LIPK: variants seen among roughly 807,000 people sequenced by gnomAD.
The protein encoded by LIPK is lipase member K.
Under a neutral mutation model 48.6 loss-of-function variants are expected in LIPK, and 32 were observed. That is an observed-to-expected ratio of 0.66 (90% CI 0.50 to 0.88). The LOEUF (loss-of-function observed/expected upper bound fraction) is 0.88. LIPK is among the 40% of genes least tolerant of loss of function. The pLI, the probability that LIPK is intolerant of heterozygous loss-of-function variation, is 0.00. For missense variants in LIPK, 507 were observed against 478.5 expected (o/e 1.06, Z -0.56); for synonymous variants, 164 against 157.4 (o/e 1.04, Z -0.32).
At chr10:88,745,267 G>T (rs1315358304) in intron 9 of LIPK, among the ~76,000 whole-genome samples, 1 of 152,070 alleles carries the variant, frequency 6.6e-6, no homozygotes, top group Non-Finnish European at 1.5e-5. Flanking sequence ...ATTTAAATTT[G>T]GGAAATTCAG....
intron 8 of LIPK, among the ~76,000 whole-genome samples, 181 bp downstream of exon 8, chr10:88,740,248 G>A (rs1424359036): frequency 1.3e-5 from 2 of 152,168 alleles, no homozygotes; most frequent in African/African-American, 4.8e-5. Context: ...CTTGTCCTCA[G>A]TGTCTGGGTT....
intron 6 of LIPK, among the ~76,000 whole-genome samples, chr10:88,733,947 G>A (rs763338172): frequency 2.6e-5 from 4 of 152,160 alleles, no homozygotes; most frequent in Non-Finnish European, 4.4e-5. Context: ...AGGTATTAGG[G>A]GGCAATGGAA....
In LIPK at chr10:88,732,531, C is replaced by G. The variant is rs200150838; in HGVS notation, c.649C>G (p.Leu217Val). The G allele has an allele frequency of 2.5e-5, 41 of 1,610,962 alleles. No homozygotes were observed. In the African/African-American group the frequency reaches 5.4e-4, roughly 21 times the overall value. The change falls in exon 6 of 10, where the codon CTT (leucine) becomes GTT (valine). Residue 217 changes from leucine (L) to valine (V), a missense_variant. Leu to Val is a conservative substitution (Grantham distance 32, BLOSUM62 1). Transcript: ENST00000404190. ...TQSPMKKLTT[L>V]SRRVVKVLFG... ...AAGTCCTATGAAAAAACTAACAACC[C>G]TTTCCAGGCGAGTAGTTAAGGTATG... is the stretch of plus-strand genomic sequence containing the variant.
At chr10:88,738,640 G>A (rs538256269) in intron 7 of LIPK, among the ~76,000 whole-genome samples, 25 of 152,332 alleles carry the variant, frequency 1.6e-4, no homozygotes, top group African/African-American at 5.8e-4. Flanking sequence ...TGCAGGCAGA[G>A]CTGAGTAAAA....
intron 1 of LIPK, among the ~76,000 whole-genome samples, chr10:88,722,889 C>CTTTTTTCTTTTTTTTT (rs1554954608): frequency 3.5e-5 from 4 of 113,206 alleles, no homozygotes; most frequent in African/African-American, 1.1e-4. Flanking sequence ...TTTCTTTTTT[C>CTTTTTTCTTTTTTTTT]TTTTTTTTTT....
intron 6 of LIPK, among the ~76,000 whole-genome samples, chr10:88,735,494 C>G (rs184255325): frequency 6.6e-6 from 1 of 152,112 alleles, no homozygotes; most frequent in African/African-American, 2.4e-5. Context: ...AACCCATGGT[C>G]AACAGTCTTT....
At chr10:88,732,707 T>C (rs1002748682) in intron 6 of LIPK, among the ~76,000 whole-genome samples, 156 bp downstream of exon 6, 1 of 152,258 alleles carries the variant, frequency 6.6e-6, no homozygotes, top group Non-Finnish European at 1.5e-5. Flanking sequence ...GCAATCTTAT[T>C]AGCAGAGTTC....
intron 1 of LIPK, among the ~76,000 whole-genome samples, chr10:88,716,888 G>A (rs1032502388): frequency 1.3e-5 from 2 of 152,058 alleles, no homozygotes; most frequent in African/African-American, 4.8e-5. Context: ...TTCTCACCTA[G>A]GGAATATATG....
Position 88,730,965 on chromosome 10 carries a change from G to T in LIPK, c.224-18G>T, listed in dbSNP as rs760669975. 2.6e-6 allele frequency: 4 copies of T among 1,538,362 alleles called. No individual in the cohort carries two copies. The highest frequency in any genetic ancestry group is 2.4e-5 in the East Asian group (1 of 42,438). On this transcript the variant is annotated intron_variant, in intron 3 of 9. Transcript: ENST00000404190. ...GAGAAAGTTCAAATATGAAATTCTT[G>T]TTGCCTGTGTTTTGCAGCTCCAAAG...
intron 8 of LIPK, among the ~76,000 whole-genome samples, chr10:88,741,714 G>T (rs1490611033): frequency 6.6e-6 from 1 of 152,156 alleles, no homozygotes; most frequent in Non-Finnish European, 1.5e-5. Context: ...GTGAAAAAAA[G>T]CTGTTTGTTG....
intron 3 of LIPK, among the ~76,000 whole-genome samples, chr10:88,729,252 T>TGGGCG (rs1554955615): frequency 2.5e-5 from 1 of 40,200 alleles, no homozygotes; most frequent in Non-Finnish European, 4.0e-5. Context: ...GGCTATCTGT[T>TGGGCG]GGGGGGGGGG....
chr10:88,716,503 G>A (rs303522), intron 1 of LIPK, among the ~76,000 whole-genome samples: 118,532 of 151,336 alleles, frequency 0.78, 47,368 homozygotes, highest in East Asian at 1. Flanking sequence ...GACTACAGGC[G>A]TGTGCCACCA....
At chr10:88,709,042 A>G (rs1841982048) in intron 1 of LIPK, among the ~76,000 whole-genome samples, 1 of 152,228 alleles carries the variant, frequency 6.6e-6, no homozygotes, top group Non-Finnish European at 1.5e-5. Context: ...ATTAAGCATT[A>G]GGAGTAAAAC....
At chr10:88,742,764 T>TA (rs35342154) in intron 8 of LIPK, among the ~76,000 whole-genome samples, 89,179 of 149,162 alleles carry the variant, frequency 0.6, 26,676 homozygotes, top group East Asian at 0.93. Flanking sequence ...CTTTTAATAG[T>TA]AAAAAAAAAA....
intron 7 of LIPK, among the ~76,000 whole-genome samples, chr10:88,738,883 T>C (rs1167727227): frequency 6.6e-6 from 1 of 152,172 alleles, no homozygotes; most frequent in Admixed American, 6.5e-5. Flanking sequence ...TAGCCAGGGG[T>C]ACATAAGTAA....
At chr10:88,748,251 G>C (rs471418) in intron 9 of LIPK, among the ~76,000 whole-genome samples, 36,446 of 152,036 alleles carry the variant, frequency 0.24, 4,529 homozygotes, top group East Asian at 0.37. Context: ...ACAACACACA[G>C]CCGGGCCTGT....
At chr10:88,720,460 A>C (rs1424624767) in intron 1 of LIPK, among the ~76,000 whole-genome samples, 1 of 152,128 alleles carries the variant, frequency 6.6e-6, no homozygotes, top group Admixed American at 6.5e-5. Flanking sequence ...CTGTGCAACC[A>C]ACCTCCATGA....
rs575921242 is a variant in LIPK, at chr10:88,739,000, A to C, written c.817-996A>C. On this transcript the variant is annotated intron_variant, in intron 7 of 9. Coordinates refer to ENST00000404190, the MANE Select transcript of LIPK (RefSeq NM_001080518.2). ...CTTATAAGTAGGTTAAAATATTTTT[A>C]AAGCCCTAAGATGTTTCTGATGCTT... Among the ~76,000 whole-genome samples, 3 of 152,348 alleles carry C rather than the reference A, an allele frequency of 2.0e-5. No individual in the cohort carries two copies. In the South Asian group the frequency reaches 6.2e-4, roughly 32 times the overall value.
chr10:88,734,770 T>C (rs1404306819), intron 6 of LIPK, among the ~76,000 whole-genome samples: 2 of 152,182 alleles, frequency 1.3e-5, no homozygotes, highest in Non-Finnish European at 2.9e-5. Context: ...ATATTGGGGA[T>C]TGGAACAAGA....
Sources: gnomAD v4.1 joint callset for allele counts (sites outside exome capture counted in the v4.1 genomes callset) on GRCh38, gnomAD v4.1.1 for gene constraint, MANE v1.5 for transcripts, NCBI Gene and HGNC (gene_info 2026-07-23, HGNC 2026-07-21) for gene names.